ATG4B: variants seen among roughly 807,000 people sequenced by gnomAD.
ATG4B encodes autophagy related 4B cysteine peptidase.
Under a neutral mutation model 56.6 loss-of-function variants are expected in ATG4B, and 29 were observed. The observed-to-expected ratio is 0.51, with a 90% CI of 0.38 to 0.70. The LOEUF (loss-of-function observed/expected upper bound fraction) is 0.70, where lower values mean the gene tolerates loss of function less well. Among genes scored for constraint, ATG4B ranks in the 30% least tolerant of loss-of-function variants. The probability of loss-of-function intolerance (pLI) is 0.00; values close to 1 mark genes in which losing one functional copy is unlikely to be tolerated. For synonymous variants in ATG4B, 224 were observed against 206.1 expected, an observed-to-expected ratio of 1.09 and a Z score of -0.74; for missense variants, 461 against 515.5, an observed-to-expected ratio of 0.89 and a Z score of 1.02.
chr2:241,646,551 C>T (rs944908272), intron 1 of ATG4B, among the ~76,000 whole-genome samples: 27 of 152,144 alleles, frequency 1.8e-4, no homozygotes, highest in African/African-American at 4.6e-4. Context: ...CCATACTTGA[C>T]GTTTTGAATT....
Position 241,668,091 on chromosome 2 carries a change from G to C in ATG4B, c.733-52G>C, listed in dbSNP as rs1057031332. 9.8e-6 allele frequency: 15 copies of C among 1,537,856 alleles called. No homozygotes were observed. In the Admixed American group the frequency reaches 2.2e-4, roughly 22 times the overall value. ...GGGCCCCCTATGGCAGTGGGTGGGG[G>C]GACCGTCTGCTCCCACCTGGGACCT... On this transcript the variant is annotated intron_variant, in intron 8 of 12. Transcript: ENST00000404914. This position sits in a 1 kb window ranked among gnomAD's most constrained non-coding sequence, Gnocchi z 4.2.
chr2:241,658,136 G>A (rs889559160), intron 6 of ATG4B, among the ~76,000 whole-genome samples: 7 of 152,208 alleles, frequency 4.6e-5, no homozygotes, highest in African/African-American at 1.7e-4. Flanking sequence ...TTTGCCCTCC[G>A]CCAGGTCAGC....
In ATG4B at chr2:241,651,399, G is replaced by A. The variant is rs1020937352; in HGVS notation, c.184+64G>A. The A allele has an allele frequency of 1.4e-4, 184 of 1,296,348 alleles. 7 individuals are homozygous for A. Among genetic ancestry groups the A allele is most frequent in the South Asian group, 1.2e-3 (92 of 74,566 alleles). 80.3% of individuals were successfully genotyped at this position (1,296,348 alleles called of 1,614,324 possible). The stretch of plus-strand genomic sequence containing the variant: ...GTTTTTAGGAAGGAGGAAAACTTAC[G>A]CTTGTAGATTTGACTTCAATATGCC... On this transcript the variant is annotated intron_variant, in intron 3 of 12. Transcript: ENST00000404914. This position sits in a 1 kb window ranked among gnomAD's most constrained non-coding sequence, Gnocchi z 4.1.
Position 241,670,732 on chromosome 2 carries a change from T to G in ATG4B, c.964T>G (p.Phe322Val). 6.2e-7 allele frequency: 1 copy of G among 1,610,542 alleles called. No individual in the cohort carries two copies. The highest frequency in any genetic ancestry group is 8.5e-7 in the Non-Finnish European group (1 of 1,178,314). Residue 322 changes from phenylalanine to valine, a missense_variant, in exon 11 of 13, where the codon TTC (phenylalanine) becomes GTC (valine). By Grantham distance (50) the Phe-to-Val change is conservative. Transcript: ENST00000404914. ...CATCGTCATTTCGTTTTAGGGGTTT[T>G]TCTGTAAGACTGAAGATGACTTCAA... ...ELDPSIAVGF[F>V]CKTEDDFNDW...
At chr2:241,660,602 CAAAG>C (rs1340175994) in intron 7 of ATG4B, among the ~76,000 whole-genome samples, 3 of 152,174 alleles carry the variant, frequency 2.0e-5, no homozygotes, top group South Asian at 2.1e-4. Context: ...AGGAAGAGTA[CAAAG>C]AAAGAGAAAA....
In ATG4B at chr2:241,668,023, C is replaced by A; in HGVS notation, c.733-120C>A. On this transcript the variant is annotated intron_variant, in intron 8 of 12. Coordinates refer to ENST00000404914, the MANE Select transcript of ATG4B (RefSeq NM_013325.5). The surrounding 1 kb of genome is among the most constrained non-coding windows in gnomAD (Gnocchi z 4.2). ...AAGCTCTTTGGTACCATGTCCCCTC[C>A]TGTCCCCTCTTGTGTCACCCAGTTG... 1 of 901,448 alleles carries A rather than the reference C, an allele frequency of 1.1e-6. No homozygotes were observed. The highest frequency in any genetic ancestry group is 1.7e-6 in the Non-Finnish European group (1 of 593,780). The allele number at this position is 901,448 out of a possible 1,614,324, so 55.8% of individuals were successfully genotyped here.
In ATG4B at chr2:241,673,599, G is replaced by T. The variant is rs559036202; in HGVS notation, c.*1335G>T. ...CATTGAAGACATAGTGTATTTCCTC[G>T]TATCCTTTCTCCCTTGGGTGTAGTT... On this transcript the variant is annotated 3_prime_UTR_variant, in exon 13 of 13. Transcript: ENST00000404914. 8.8e-6 allele frequency: 4 copies of T among 455,542 alleles called. No individual in the cohort carries two copies. The highest frequency in any genetic ancestry group is 1.8e-5 in the Non-Finnish European group (4 of 227,058). The allele number at this position is 455,542 out of a possible 1,614,324, so 28.2% of individuals were successfully genotyped here.
intron 1 of ATG4B, chr2:241,638,342 G>A (rs1258094486): frequency 1.3e-5 from 2 of 151,990 alleles, no homozygotes; most frequent in Non-Finnish European, 2.9e-5. Context: ...TAGTTTCTTG[G>A]GGTCCTAAGA....
rs1169342635 is a variant in ATG4B, at chr2:241,668,511, C to G, written c.812-29C>G. The G allele has an allele frequency of 6.2e-7, 1 of 1,600,616 alleles. No homozygotes were observed. The highest frequency in any genetic ancestry group is 1.1e-5 in the South Asian group (1 of 89,722). ...CCCTTTCCTCTGCCGGCTCGGCCACCCACCTGCCCACCTGCCTCATCCTCC... is the reference window on the plus strand; with the variant it reads ...CCCTTTCCTCTGCCGGCTCGGCCACGCACCTGCCCACCTGCCTCATCCTCC... On this transcript the variant is annotated intron_variant, in intron 9 of 12. Coordinates refer to ENST00000404914, the MANE Select transcript of ATG4B (RefSeq NM_013325.5). The surrounding 1 kb of genome is among the most constrained non-coding windows in gnomAD (Gnocchi z 4.2).
chr2:241,667,425 G>GA (rs1023664146), intron 8 of ATG4B, among the ~76,000 whole-genome samples: 1 of 151,934 alleles, frequency 6.6e-6, no homozygotes, highest in Non-Finnish European at 1.5e-5. Context: ...CCAACATGGT[G>GA]AAACCCTGTC....
At chr2:241,645,074 C>T (rs759398684) in intron 1 of ATG4B, among the ~76,000 whole-genome samples, 1 of 152,138 alleles carries the variant, frequency 6.6e-6, no homozygotes, top group African/African-American at 2.4e-5. Flanking sequence ...CATGGCTCCT[C>T]ATTGTGTCTT....
chr2:241,658,761 A>G (rs1200017966), intron 6 of ATG4B, among the ~76,000 whole-genome samples: 1 of 152,244 alleles, frequency 6.6e-6, no homozygotes, highest in East Asian at 1.9e-4. Context: ...CCTGCCTCAA[A>G]GTTGGCAAAA....
chr2:241,641,687 A>T (rs887923616), intron 1 of ATG4B, among the ~76,000 whole-genome samples: 1 of 152,236 alleles, frequency 6.6e-6, no homozygotes, highest in Non-Finnish European at 1.5e-5. Flanking sequence ...AGCAGTGTCC[A>T]GTGGGCTTTT....
In ATG4B at chr2:241,668,241, C is replaced by G. The variant is rs192640244; in HGVS notation, c.811+20C>G. 1.9e-4 allele frequency: 306 copies of G among 1,581,678 alleles called. 1 individual carries two copies. In the African/African-American group the frequency reaches 3.7e-3, roughly 19 times the overall value. On this transcript the variant is annotated intron_variant, in intron 9 of 12. Transcript: ENST00000404914. This position sits in a 1 kb window ranked among gnomAD's most constrained non-coding sequence, Gnocchi z 4.2. ...ACGTTGGTGAGTCCAGGGTTCCCAC[C>G]GTGTCCCTGTGGGCCTGGGCCTTTT... is the stretch of plus-strand genomic sequence containing the variant.
intron 1 of ATG4B, among the ~76,000 whole-genome samples, chr2:241,646,219 G>A (rs62193486): frequency 0.093 from 14,167 of 152,242 alleles, 713 homozygotes; most frequent in Middle Eastern, 0.2. Flanking sequence ...TACTGCGTCC[G>A]TGATGAAAAT....
chr2:241,646,357 C>A (rs1307920555), intron 1 of ATG4B, among the ~76,000 whole-genome samples: 1 of 152,144 alleles, frequency 6.6e-6, no homozygotes, highest in African/African-American at 2.4e-5. Flanking sequence ...AACTAGACAT[C>A]CTAGAAGTTT....
chr2:241,643,663 CGT>C (rs369340875), intron 1 of ATG4B, among the ~76,000 whole-genome samples: 3,903 of 134,486 alleles, frequency 0.029, 130 homozygotes, highest in African/African-American at 0.08. Flanking sequence ...TATATATATA[CGT>C]GTGTGTGTGT....
rs993203383 is a variant in ATG4B, at chr2:241,643,215, C to G, written c.10+5491C>G. The stretch of plus-strand genomic sequence containing the variant: ...TCATCTTGTTCCTCCTGCGTGTCAT[C>G]TTTTTTTGAGGCAGGGTCTCACTTC... On this transcript the variant is annotated intron_variant, in intron 1 of 12. Coordinates refer to ENST00000404914, the MANE Select transcript of ATG4B (RefSeq NM_013325.5). Among the ~76,000 whole-genome samples, 5 of 151,624 alleles carry G rather than the reference C, an allele frequency of 3.3e-5. No homozygotes were observed. In the South Asian group the frequency reaches 1.0e-3, roughly 32 times the overall value.
chr2:241,671,142 A>G (rs919577154), intron 11 of ATG4B, among the ~76,000 whole-genome samples, 170 bp from the exon 12 acceptor site: 1 of 152,058 alleles, frequency 6.6e-6, no homozygotes, highest in Non-Finnish European at 1.5e-5. Flanking sequence ...CTGTGTGTTG[A>G]TCACCACACT....
Sources: gnomAD v4.1 joint callset for allele counts (sites outside exome capture counted in the v4.1 genomes callset) on GRCh38, gnomAD v4.1.1 for gene constraint, Gnocchi (gnomAD v3.1) non-coding constraint, MANE v1.5 for transcripts, NCBI Gene and HGNC (gene_info 2026-07-23, HGNC 2026-07-21) for gene names.